The following SLC45A4 variants were observed in gnomAD, a reference collection of about 807,000 sequenced individuals.
SLC45A4 encodes the protein solute carrier family 45 member 4.
SLC45A4 carries 32 observed loss-of-function variants against 63.7 expected under a neutral mutation model. The observed-to-expected ratio is 0.50, with a 90% confidence interval of 0.38 to 0.67. SLC45A4 has a LOEUF of 0.67. SLC45A4 is among the 30% of genes least tolerant of loss of function. SLC45A4 has a pLI of 0.00. For missense variants in SLC45A4, 1,027 were observed against 1,157.7 expected (o/e 0.89, Z 1.64); for synonymous variants, 535 against 510.0 (o/e 1.05, Z -0.66).
intron 2 of SLC45A4, among the ~76,000 whole-genome samples, chr8:141,246,987 A>T (rs902433587): frequency 3.4e-4 from 52 of 152,172 alleles, no homozygotes; most frequent in African/African-American, 1.2e-3. Context: ...AAAAGAGCAA[A>T]TTAAAACCAA....
intron 2 of SLC45A4, among the ~76,000 whole-genome samples, chr8:141,247,642 G>A (rs1391001750): frequency 1.3e-5 from 2 of 152,192 alleles, no homozygotes; most frequent in Non-Finnish European, 2.9e-5. Flanking sequence ...GAACGCCTGA[G>A]TTCAAGCAAT....
At position 141,270,510 on chromosome 8, in the gene SLC45A4, C is replaced by T. The variant is rs1465435092; in HGVS notation, c.-400-15881G>A. 6.2e-5 allele frequency among the ~76,000 whole-genome samples: 9 copies of T among 145,588 alleles called. 1 individual carries two copies. Among genetic ancestry groups the T allele is most frequent in the Admixed American group, 2.0e-4 (3 of 14,664 alleles). On this transcript the variant is annotated intron_variant, in intron 1 of 8. Coordinates refer to ENST00000517878, the MANE Select transcript of SLC45A4 (RefSeq NM_001286646.2). ...ACAACATGGCAAAACCCCATCTTTACAAAAAAAAAAATTAGCCAGGTGTGG... is the reference window on the plus strand; with the variant it reads ...ACAACATGGCAAAACCCCATCTTTATAAAAAAAAAAATTAGCCAGGTGTGG...
intron 1 of SLC45A4, among the ~76,000 whole-genome samples, chr8:141,263,426 A>C (rs553950917): frequency 5.3e-4 from 77 of 144,404 alleles, no homozygotes; most frequent in African/African-American, 2.1e-3. Context: ...AACTGTGAAA[A>C]AATAAATAAA....
intron 4 of SLC45A4, 49 bp from the exon 5 acceptor site, chr8:141,219,078 G>A (rs775612990): frequency 1.9e-6 from 3 of 1,570,112 alleles, no homozygotes; most frequent in East Asian, 4.5e-5. Context: ...CCAGGCCACA[G>A]GGGGGGAAGC....
chr8:141,213,264 G>C (rs2154613946), intron 7 of SLC45A4, among the ~76,000 whole-genome samples: 1 of 152,320 alleles, frequency 6.6e-6, no homozygotes, highest in East Asian at 1.9e-4. Context: ...CAGAGACGGG[G>C]CACTAGGTGC....
intron 1 of SLC45A4, among the ~76,000 whole-genome samples, chr8:141,268,169 G>A (rs748981848): frequency 2.0e-5 from 3 of 152,178 alleles, no homozygotes; most frequent in Non-Finnish European, 2.9e-5. Context: ...AAAGATATGC[G>A]GGCACTTTAA....
At chr8:141,267,594 T>G (rs1268277853) in intron 1 of SLC45A4, among the ~76,000 whole-genome samples, 1 of 152,210 alleles carries the variant, frequency 6.6e-6, no homozygotes, top group Non-Finnish European at 1.5e-5. Context: ...CTGCTCAGTT[T>G]CAAAGCAAAG....
At chr8:141,300,078 G>A (rs1476402141) in intron 1 of SLC45A4, among the ~76,000 whole-genome samples, 3 of 152,220 alleles carry the variant, frequency 2.0e-5, no homozygotes, top group Non-Finnish European at 4.4e-5. Flanking sequence ...CGACATCATC[G>A]CCTCCCCAAA....
At chr8:141,216,969 G>T in intron 6 of SLC45A4, 121 bp downstream of exon 6, 1 of 969,202 alleles carries the variant, frequency 1.0e-6, no homozygotes, top group Non-Finnish European at 1.5e-6. Context: ...CTGTTTTGAG[G>T]GACCCAGAAG....
chr8:141,281,113 T>A (rs7843477), intron 1 of SLC45A4, among the ~76,000 whole-genome samples: 1 of 151,446 alleles, frequency 6.6e-6, no homozygotes, highest in Non-Finnish European at 1.5e-5. Context: ...CTGAGGCGGG[T>A]GGATCACCTG....
At chr8:141,258,876 G>C (rs1404152336) in intron 1 of SLC45A4, among the ~76,000 whole-genome samples, 3 of 146,826 alleles carry the variant, frequency 2.0e-5, no homozygotes, top group Non-Finnish European at 4.5e-5. Context: ...GCGAGACACA[G>C]TGAGACCTCT....
intron 7 of SLC45A4, among the ~76,000 whole-genome samples, chr8:141,214,228 A>G (rs1373655684): frequency 1.3e-5 from 2 of 152,038 alleles, no homozygotes; most frequent in Non-Finnish European, 2.9e-5. Flanking sequence ...CTTCCTAGTA[A>G]GATATTAAAT....
intron 1 of SLC45A4, among the ~76,000 whole-genome samples, chr8:141,269,856 G>C (rs1829444780): frequency 6.6e-6 from 1 of 152,100 alleles, no homozygotes; most frequent in Non-Finnish European, 1.5e-5. Flanking sequence ...GGAAAATCTG[G>C]AAGGGCCCCC....
chr8:141,257,484 T>G (rs1399653085), intron 1 of SLC45A4, among the ~76,000 whole-genome samples: 1 of 152,222 alleles, frequency 6.6e-6, no homozygotes, highest in African/African-American at 2.4e-5. Context: ...GACTTAATTA[T>G]AAACATCAGA....
In SLC45A4 at chr8:141,229,940, T is replaced by C. The variant is rs943190654; in HGVS notation, c.242-8175A>G. Reference sequence around the variant, plus strand: ...GAACATGGTGCGCACAGCTCAGCGCTGGACACTAGATCCCTGCCTGCACTC... The same window carrying C: ...GAACATGGTGCGCACAGCTCAGCGCCGGACACTAGATCCCTGCCTGCACTC... On this transcript the variant is annotated intron_variant, in intron 2 of 8. Coordinates refer to ENST00000517878, the MANE Select transcript of SLC45A4 (RefSeq NM_001286646.2). The surrounding 1 kb of genome is among the most constrained non-coding windows in gnomAD (Gnocchi z 5.0). 8 of 411,574 alleles carry C rather than the reference T, an allele frequency of 1.9e-5. No homozygotes were observed. Among genetic ancestry groups the C allele is most frequent in the Non-Finnish European group, 3.4e-5 (7 of 205,334 alleles). The allele number at this position is 411,574 out of a possible 1,614,324, so 25.5% of individuals were successfully genotyped here. A position where few individuals can be genotyped will look rare whatever the true frequency, so the allele number is the denominator to read the frequency against.
chr8:141,281,360 A>C (rs1167194668), intron 1 of SLC45A4, among the ~76,000 whole-genome samples: 1 of 152,168 alleles, frequency 6.6e-6, no homozygotes, highest in Non-Finnish European at 1.5e-5. Context: ...AAACCTCCGA[A>C]TCAGTCTCCT....
chr8:141,269,518 C>T (rs1829427251), intron 1 of SLC45A4, among the ~76,000 whole-genome samples: 2 of 146,472 alleles, frequency 1.4e-5, no homozygotes, highest in African/African-American at 5.1e-5. Flanking sequence ...GTGTGTGTAT[C>T]GATGTCTGCC....
intron 2 of SLC45A4, among the ~76,000 whole-genome samples, chr8:141,239,193 G>A (rs1458272868): frequency 2.6e-5 from 4 of 152,146 alleles, no homozygotes; most frequent in Non-Finnish European, 5.9e-5. Context: ...AATTATTCCT[G>A]CCAAAAAGGA....
chr8:141,218,826 G>A lies in SLC45A4; in HGVS notation c.814C>T (p.Leu272=), dbSNP rs1291466046. The A allele has an allele frequency of 3.1e-6, 5 of 1,612,940 alleles. No homozygotes were observed. The African/African-American group carries it at 6.7e-5, about 22-fold the overall frequency. ...QERSAEEPGA[L]DGGEPHGVPA... Reference sequence around the variant, plus strand: ...ACGCCGTGCGGCTCGCCCCCATCCAGGGCGCCGGGCTCCTCAGCGCTGCGC... The same window carrying A: ...ACGCCGTGCGGCTCGCCCCCATCCAAGGCGCCGGGCTCCTCAGCGCTGCGC... Residue 272 remains leucine (L), a synonymous_variant, in exon 5 of 9, where the codon CTG becomes TTG. Transcript: ENST00000517878.
Sources: allele counts gnomAD v4.1 joint callset (sites outside exome capture counted in the v4.1 genomes callset), GRCh38; gene constraint gnomAD v4.1.1; non-coding constraint Gnocchi (gnomAD v3.1); transcripts MANE v1.5; gene names NCBI Gene and HGNC (gene_info 2026-07-23, HGNC 2026-07-21).